The following NAV1 variants were observed in gnomAD, a reference collection of about 807,000 sequenced individuals.
NAV1 encodes the protein pore membrane and/or filament interacting like protein 3.
In NAV1, 18 loss-of-function variants were observed where a neutral mutation model predicts 175.2. The ratio of observed to expected loss-of-function variants is 0.10; its 90% CI spans 0.07 to 0.15. The LOEUF (loss-of-function observed/expected upper bound fraction) is 0.15. Among genes scored for constraint, NAV1 ranks in the 10% least tolerant of loss-of-function variants. The probability of loss-of-function intolerance (pLI) is 1.00; values close to 1 mark genes in which losing one functional copy is unlikely to be tolerated. For synonymous variants in NAV1, 897 were observed against 978.7 expected (o/e 0.92, Z 1.56); for missense variants, 1,731 against 2,436.6 (o/e 0.71, Z 6.10).
At chr1:201,785,265 T>G in intron 7 of NAV1, 45 bp from the exon 12 acceptor site, 1 of 1,580,140 alleles carries the variant, frequency 6.3e-7, no homozygotes, top group Non-Finnish European at 8.6e-7. Context: ...TGGACCCACA[T>G]GCTTCTCTCT....
chr1:201,803,530 G>C, intron 15 of NAV1, 63 bp from the exon 20 acceptor site: 1 of 1,553,856 alleles, frequency 6.4e-7, no homozygotes, highest in Non-Finnish European at 8.7e-7. Context: ...CACTAGACTT[G>C]CCTGAAGTCT....
chr1:201,676,409 G>T (rs534105646), intron 1 of NAV1, among the ~76,000 whole-genome samples: 1 of 152,334 alleles, frequency 6.6e-6, no homozygotes, highest in Admixed American at 6.5e-5. Context: ...GCCCAGAAGT[G>T]CTGAGGAGGA....
upstream of NAV1, among the ~76,000 whole-genome samples, chr1:201,646,874 C>A (rs1224787088): frequency 6.6e-6 from 1 of 152,194 alleles, no homozygotes; most frequent in East Asian, 1.9e-4. Context: ...GATAGAGACA[C>A]AAATACATTT....
chr1:201,626,354 G>A, intron 1 of NAV1, among the ~76,000 whole-genome samples: 1 of 152,186 alleles, frequency 6.6e-6, no homozygotes, highest in Non-Finnish European at 1.5e-5. Flanking sequence ...GAGGTCACCT[G>A]CTTCCCTCCC....
chr1:201,715,734 G>C (rs1672114788), intron 2 of NAV1, among the ~76,000 whole-genome samples: 1 of 152,176 alleles, frequency 6.6e-6, no homozygotes, highest in Non-Finnish European at 1.5e-5. Context: ...CTTCCTGCAA[G>C]GCTGTTTTCA....
At chr1:201,772,815 C>T (rs1404197640) in intron 3 of NAV1, among the ~76,000 whole-genome samples, 3 of 151,980 alleles carry the variant, frequency 2.0e-5, no homozygotes, top group South Asian at 2.1e-4. Flanking sequence ...GGGTGGATCA[C>T]GAGGTCAGGA....
intron 3 of NAV1, among the ~76,000 whole-genome samples, chr1:201,743,684 G>T (rs1483539841): frequency 6.6e-6 from 1 of 152,010 alleles, no homozygotes; most frequent in Non-Finnish European, 1.5e-5. Context: ...GTCTTACTAG[G>T]ACTCTAATGA....
In NAV1 at chr1:201,770,467, T is replaced by A. The variant is rs547520881; in HGVS notation, c.1227-9954T>A. Among the ~76,000 whole-genome samples, 3 of 152,328 alleles carry A rather than the reference T, an allele frequency of 2.0e-5. No individual in the cohort carries two copies. In the South Asian group the frequency reaches 6.2e-4, roughly 32 times the overall value. ...GGGGCTAATTTATTGAAGGGAATCG[T>A]ATAGTGTCCTACACTATCACTCTCA... On this transcript the variant is annotated intron_variant, in intron 3 of 29. Coordinates refer to ENST00000367296, the Ensembl canonical transcript of NAV1.
At chr1:201,642,511 C>CTCTCTCTTTCTTTCTTTCTTTCTT (rs1553247034) in intron 2 of NAV1, among the ~76,000 whole-genome samples, 2 of 45,552 alleles carry the variant, frequency 4.4e-5, no homozygotes, top group South Asian at 1.3e-3. Context: ...CGCACCCGGC[C>CTCTCTCTTTCTTTCTTTCTTTCTT]TCTTTCTTTC....
At chr1:201,729,831 G>A (rs529790601) in intron 3 of NAV1, among the ~76,000 whole-genome samples, 6 of 152,256 alleles carry the variant, frequency 3.9e-5, no homozygotes, top group South Asian at 2.1e-4. Flanking sequence ...GCGTGAACCC[G>A]GGAGGTGGAG....
intron 1 of NAV1, among the ~76,000 whole-genome samples, chr1:201,688,020 C>T (rs1422016357): frequency 6.6e-6 from 1 of 152,246 alleles, no homozygotes; most frequent in African/African-American, 2.4e-5. Context: ...AGTGACAATG[C>T]AGATGATTAC....
chr1:201,631,128 A>C (rs1558026785), intron 2 of NAV1, among the ~76,000 whole-genome samples: 1 of 152,214 alleles, frequency 6.6e-6, no homozygotes, highest in Non-Finnish European at 1.5e-5. Context: ...AGTGAGAAAC[A>C]CTGGCTTTCT....
At chr1:201,679,580 C>T (rs543905713) in intron 1 of NAV1, among the ~76,000 whole-genome samples, 1 of 152,316 alleles carries the variant, frequency 6.6e-6, no homozygotes, top group South Asian at 2.1e-4. Context: ...CTGTCTTCCC[C>T]CAGTCACCAG....
intron 13 of NAV1, 166 bp from the exon 18 acceptor site, chr1:201,793,626 C>G (rs1677246519): frequency 1.3e-5 from 8 of 618,834 alleles, no homozygotes; most frequent in Non-Finnish European, 2.3e-5. Flanking sequence ...TTTGATTTCC[C>G]CTTTGTCTGC....
chr1:201,650,594 G>A (rs1162811969), intron 1 of NAV1, among the ~76,000 whole-genome samples: 1 of 152,222 alleles, frequency 6.6e-6, no homozygotes, highest in Non-Finnish European at 1.5e-5. Flanking sequence ...CGGGCTTGGC[G>A]GGTGGGGAAC....
chr1:201,779,918 T>C lies in NAV1; in HGVS notation c.1227-503T>C, dbSNP rs78810850. 1.3e-4 allele frequency among the ~76,000 whole-genome samples: 20 copies of C among 152,258 alleles called. No homozygotes were observed. The East Asian group carries it at 3.7e-3, about 28-fold the overall frequency. On this transcript the variant is annotated intron_variant, in intron 3 of 29. Transcript: ENST00000367296. ...GACCCGATCCCAGGATAGGGTGAACTGCATAAACGGAGGCTCAATGAGAAA... is the reference window on the plus strand; with the variant it reads ...GACCCGATCCCAGGATAGGGTGAACCGCATAAACGGAGGCTCAATGAGAAA...
chr1:201,800,323 C>T (rs1677770912), intron 15 of NAV1, among the ~76,000 whole-genome samples: 1 of 152,166 alleles, frequency 6.6e-6, no homozygotes, highest in African/African-American at 2.4e-5. Context: ...TTTTAATTAA[C>T]TAGTTTCAAT....
At chr1:201,594,767 C>A (rs1571837484) in intron 2 of NAV1, among the ~76,000 whole-genome samples, 2 of 152,252 alleles carry the variant, frequency 1.3e-5, no homozygotes, top group African/African-American at 4.8e-5. Flanking sequence ...TGGGGCAGAA[C>A]AGCAGGAAGG....
At chr1:201,717,586 G>A (rs1345162989) in intron 2 of NAV1, among the ~76,000 whole-genome samples, 1 of 152,192 alleles carries the variant, frequency 6.6e-6, no homozygotes, top group African/African-American at 2.4e-5. Flanking sequence ...CCTTGGCCTG[G>A]TCTAGCAGGG....
Sources: allele counts gnomAD v4.1 joint callset (sites outside exome capture counted in the v4.1 genomes callset), GRCh38; gene constraint gnomAD v4.1.1; transcripts MANE v1.5; gene names NCBI Gene and HGNC (gene_info 2026-07-23, HGNC 2026-07-21).